Variants in RBFOX1 observed in about 807,000 individuals in gnomAD.
RBFOX1 encodes the protein RNA binding protein fox-1 homolog 1.
In RBFOX1, 8 loss-of-function variants were observed where a neutral mutation model predicts 57.7. The ratio of observed to expected loss-of-function variants is 0.14; its 90% CI spans 0.08 to 0.25. The LOEUF (loss-of-function observed/expected upper bound fraction) is 0.25. RBFOX1 is among the 10% of genes least tolerant of loss of function. RBFOX1 has a pLI of 1.00. For synonymous variants in RBFOX1, 326 were observed against 222.4 expected, an observed-to-expected ratio of 1.47 and a Z score of -4.15; for missense variants, 611 against 548.5, an observed-to-expected ratio of 1.11 and a Z score of -1.14.
rs183386637 is a variant in RBFOX1, at chr16:6,607,575, C to T, written c.-63-47028C>T. Reference sequence around the variant, plus strand: ...TCTTTCCCTCTTCCTCCTCTCTCTCCGTCCTGTCTCCCTCCTCTCTCTCTC... The same window carrying T: ...TCTTTCCCTCTTCCTCCTCTCTCTCTGTCCTGTCTCCCTCCTCTCTCTCTC... On this transcript the variant is annotated intron_variant, in intron 2 of 15. Transcript: ENST00000550418. 1.9e-4 allele frequency among the ~76,000 whole-genome samples: 28 copies of T among 150,216 alleles called. No individual in the cohort carries two copies. In the South Asian group the frequency reaches 3.0e-3, roughly 16 times the overall value.
intron 3 of RBFOX1, among the ~76,000 whole-genome samples, chr16:5,607,051 G>A (rs1419476010): frequency 2.0e-5 from 3 of 152,334 alleles, no homozygotes; most frequent in South Asian, 2.1e-4. Flanking sequence ...GGCTTAGGAG[G>A]CTGGGAGGCC....
intron 4 of RBFOX1, among the ~76,000 whole-genome samples, chr16:7,350,529 T>G (rs761652511): frequency 6.6e-6 from 1 of 152,176 alleles, no homozygotes; most frequent in African/African-American, 2.4e-5. Flanking sequence ...TATGATCTGA[T>G]TGTATCATGT....
chr16:6,067,350 T>C (rs9933270), intron 1 of RBFOX1, among the ~76,000 whole-genome samples: 141,226 of 152,116 alleles, frequency 0.93, 65,631 homozygotes, highest in African/African-American at 0.96. Context: ...ATTTTGTTAA[T>C]AGCAGAAGTG....
chr16:5,337,967 C>T (rs2064939944), intron 1 of RBFOX1, among the ~76,000 whole-genome samples: 1 of 152,116 alleles, frequency 6.6e-6, no homozygotes, highest in Admixed American at 6.5e-5. Context: ...TTGCTTGAGC[C>T]CAGGAGATTG....
At chr16:6,940,900 G>C (rs537645477) in intron 3 of RBFOX1, among the ~76,000 whole-genome samples, 1 of 135,914 alleles carries the variant, frequency 7.4e-6, no homozygotes, top group African/African-American at 3.2e-5. Flanking sequence ...TTAGAGATGG[G>C]GTTTCACTGC....
At chr16:7,074,037 G>T (rs1489023212) in intron 4 of RBFOX1, among the ~76,000 whole-genome samples, 1 of 152,178 alleles carries the variant, frequency 6.6e-6, no homozygotes, top group South Asian at 2.1e-4. Flanking sequence ...GGCTTCTTTT[G>T]TTTTGTAACA....
intron 2 of RBFOX1, among the ~76,000 whole-genome samples, chr16:6,634,791 T>A (rs1223207892): frequency 7.2e-6 from 1 of 139,044 alleles, no homozygotes. Flanking sequence ...AATACAAAGA[T>A]ATACATATAT....
chr16:5,343,260 A>C (rs1276062820), intron 1 of RBFOX1, among the ~76,000 whole-genome samples: 1 of 149,864 alleles, frequency 6.7e-6, no homozygotes, highest in Admixed American at 6.6e-5. Flanking sequence ...TTTCAGTTAA[A>C]GTCATTACAT....
At chr16:5,967,533 C>T (rs113791511) in intron 4 of RBFOX1, among the ~76,000 whole-genome samples, 2,897 of 152,192 alleles carry the variant, frequency 0.019, 50 homozygotes, top group Non-Finnish European at 0.029. Flanking sequence ...AGTTATTCAT[C>T]GTTTCTATGC....
At chr16:5,951,816 C>A (rs572129260) in intron 4 of RBFOX1, among the ~76,000 whole-genome samples, 167 of 151,774 alleles carry the variant, frequency 1.1e-3, no homozygotes, top group Non-Finnish European at 1.6e-3. Context: ...TTGTTAAAAG[C>A]TTCTGGATTT....
chr16:5,375,332 G>A (rs1352806398), intron 1 of RBFOX1, among the ~76,000 whole-genome samples: 1 of 152,148 alleles, frequency 6.6e-6, no homozygotes, highest in Non-Finnish European at 1.5e-5. Context: ...GGGAGCGGGA[G>A]TGAAGAGGAC....
intron 2 of RBFOX1, among the ~76,000 whole-genome samples, chr16:5,534,670 C>A (rs1248340909): frequency 6.6e-6 from 1 of 152,190 alleles, no homozygotes; most frequent in Non-Finnish European, 1.5e-5. Context: ...CCCACTCACA[C>A]TGAGGGTGGG....
At chr16:7,105,540 C>G (rs899692287) in intron 4 of RBFOX1, among the ~76,000 whole-genome samples, 5 of 152,084 alleles carry the variant, frequency 3.3e-5, no homozygotes, top group Non-Finnish European at 7.4e-5. Context: ...TTTGCTTCCT[C>G]ATAGCTTAGC....
At chr16:5,885,518 C>T (rs528297438) in intron 4 of RBFOX1, among the ~76,000 whole-genome samples, 2 of 151,996 alleles carry the variant, frequency 1.3e-5, no homozygotes, top group Admixed American at 6.6e-5. Flanking sequence ...TTCACAGAGG[C>T]CTTTTGCTGT....
At chr16:7,605,228 AAC>A (rs1317709406) in intron 9 of RBFOX1, among the ~76,000 whole-genome samples, 1 of 152,180 alleles carries the variant, frequency 6.6e-6, no homozygotes, top group Non-Finnish European at 1.5e-5. Flanking sequence ...ATACTCATAA[AAC>A]ACATTCTGAA....
intron 2 of RBFOX1, among the ~76,000 whole-genome samples, chr16:5,533,070 G>C (rs1381577489): frequency 6.6e-6 from 1 of 152,152 alleles, no homozygotes; most frequent in Non-Finnish European, 1.5e-5. Context: ...AATTTTTCTT[G>C]TTTTGCCTCT....
chr16:6,381,889 C>G (rs562711946), intron 2 of RBFOX1, among the ~76,000 whole-genome samples: 130 of 152,364 alleles, frequency 8.5e-4, no homozygotes, highest in African/African-American at 2.8e-3. Context: ...GCTGTCTCCC[C>G]TGCTGCACTG....
chr16:6,857,014 G>A (rs995075567), intron 3 of RBFOX1, among the ~76,000 whole-genome samples: 1 of 152,166 alleles, frequency 6.6e-6, no homozygotes, highest in Non-Finnish European at 1.5e-5. Context: ...ATGCTTTGGA[G>A]TTTTTCAATG....
At chr16:6,522,222 T>C (rs911369927) in intron 2 of RBFOX1, among the ~76,000 whole-genome samples, 2 of 151,664 alleles carry the variant, frequency 1.3e-5, no homozygotes, top group African/African-American at 4.9e-5. Flanking sequence ...GAACATTTTA[T>C]GTCTCCCAAG....
Sources: allele counts gnomAD v4.1 joint callset (sites outside exome capture counted in the v4.1 genomes callset), GRCh38; gene constraint gnomAD v4.1.1; transcripts MANE v1.5; gene names NCBI Gene and HGNC (gene_info 2026-07-23, HGNC 2026-07-21).